The following SAMD12 variants were observed in gnomAD, a reference collection of about 807,000 sequenced individuals.
SAMD12 encodes sterile alpha motif domain-containing protein 12.
In SAMD12, 9 loss-of-function variants were observed where a neutral mutation model predicts 15.0. That is an observed-to-expected ratio of 0.60 (90% CI 0.36 to 1.05). The LOEUF is 1.05. Among genes scored for constraint, SAMD12 ranks in the 50% least tolerant of loss-of-function variants. The pLI, the probability that SAMD12 is intolerant of heterozygous loss-of-function variation, is 0.01. For synonymous variants in SAMD12, 86 were observed against 90.1 expected, an observed-to-expected ratio of 0.96 and a Z score of 0.25; for missense variants, 230 against 234.2, an observed-to-expected ratio of 0.98 and a Z score of 0.12.
intron 4 of SAMD12, among the ~76,000 whole-genome samples, chr8:118,299,198 C>G (rs1255043587): frequency 6.6e-6 from 1 of 152,152 alleles, no homozygotes; most frequent in East Asian, 1.9e-4. Flanking sequence ...CTAGAGGGAA[C>G]TGATATATAA....
intron 4 of SAMD12, among the ~76,000 whole-genome samples, chr8:118,321,294 TG>T (rs1563761696): frequency 0.048 from 4,972 of 102,802 alleles, 366 homozygotes; most frequent in African/African-American, 0.22. Context: ...GTTTTTTTTT[TG>T]TTTTTTTTTT....
chr8:118,280,639 C>T (rs116852152), intron 4 of SAMD12, among the ~76,000 whole-genome samples: 1 of 152,264 alleles, frequency 6.6e-6, no homozygotes, highest in Non-Finnish European at 1.5e-5. Flanking sequence ...AAGCAAGCTC[C>T]AGGCAGCAGC....
chr8:118,321,144 A>AATATATATATATATATATATATATAT (rs4053452), intron 4 of SAMD12, among the ~76,000 whole-genome samples: 8 of 94,500 alleles, frequency 8.5e-5, no homozygotes, highest in Non-Finnish European at 1.2e-4. Context: ...ATAGATAATA[A>AATATATATATATATATATATATATAT]ATATATATAT....
Position 118,566,658 on chromosome 8 carries a change from T to C in SAMD12, c.192+14057A>G, listed in dbSNP as rs186365608. Among the ~76,000 whole-genome samples, 561 of 152,244 alleles carry C rather than the reference T, an allele frequency of 3.7e-3. 5 individuals are homozygous for C. The highest frequency in any genetic ancestry group is 0.012 in the African/African-American group (490 of 41,554). ...CACAGGTCATAAACGAAACTGCCCA[T>C]AGAAGCTTAGAAAGAAACATGAGTG... On this transcript the variant is annotated intron_variant, in intron 2 of 3. Coordinates refer to ENST00000314727, the MANE Select transcript of SAMD12 (RefSeq NM_207506.3).
intron 3 of SAMD12, among the ~76,000 whole-genome samples, chr8:118,402,826 T>C (rs1322088671): frequency 6.6e-6 from 1 of 152,218 alleles, no homozygotes. Context: ...TTCTACTATA[T>C]GACCTCTGAT....
chr8:118,192,299 ATTTGG>A (rs1819427794), exon 5 of SAMD12: 3 of 152,198 alleles, frequency 2.0e-5, no homozygotes, highest in Non-Finnish European at 2.9e-5. Flanking sequence ...GGACTTCTAC[ATTTGG>A]TAGATGTGTC....
intron 3 of SAMD12, among the ~76,000 whole-genome samples, chr8:118,433,803 A>G (rs1000571878): frequency 2.0e-5 from 3 of 152,234 alleles, no homozygotes; most frequent in African/African-American, 7.2e-5. Context: ...CACAATATCC[A>G]GAGCAGAAGT....
intron 1 of SAMD12, among the ~76,000 whole-genome samples, chr8:118,594,587 T>C (rs756875189): frequency 9.9e-5 from 15 of 151,748 alleles, no homozygotes; most frequent in Non-Finnish European, 1.8e-4. Context: ...AATAAGAGGC[T>C]GCAAAATTGA....
At chr8:118,232,736 G>T (rs1289279665) in intron 4 of SAMD12, among the ~76,000 whole-genome samples, 1 of 152,106 alleles carries the variant, frequency 6.6e-6, no homozygotes, top group African/African-American at 2.4e-5. Flanking sequence ...AGAGAAAGGG[G>T]AGGAAGGTTG....
Position 118,369,901 on chromosome 8 carries a change from G to A in SAMD12, c.433+9659C>T, listed in dbSNP as rs191120948. On this transcript the variant is annotated intron_variant, in intron 4 of 4. Transcript: ENST00000409003. ...CAAAAATGTCAAAAGCAGTTGCAGCGAAAGTAAAAACTGACAAATGGGATC... is the reference window on the plus strand; with the variant it reads ...CAAAAATGTCAAAAGCAGTTGCAGCAAAAGTAAAAACTGACAAATGGGATC... Among the ~76,000 whole-genome samples, 488 of 152,096 alleles carry A rather than the reference G, an allele frequency of 3.2e-3. 5 individuals carry two copies. The highest frequency in any genetic ancestry group is 0.011 in the South Asian group (55 of 4,814).
intron 3 of SAMD12, among the ~76,000 whole-genome samples, chr8:118,396,503 T>C (rs1820577175): frequency 6.6e-6 from 1 of 152,220 alleles, no homozygotes; most frequent in Non-Finnish European, 1.5e-5. Context: ...TTTATCTCAG[T>C]AACTGCAGCA....
At chr8:118,200,283 T>C (rs1188259470) in intron 4 of SAMD12, among the ~76,000 whole-genome samples, 1 of 151,550 alleles carries the variant, frequency 6.6e-6, no homozygotes, top group Non-Finnish European at 1.5e-5. Context: ...TCTAGTGACA[T>C]ACAGGAGTGA....
chr8:118,478,852 G>T (rs899138442), intron 2 of SAMD12, among the ~76,000 whole-genome samples: 2 of 152,212 alleles, frequency 1.3e-5, no homozygotes, highest in African/African-American at 2.4e-5. Flanking sequence ...TTAGAGAAGA[G>T]CTGACACTCC....
chr8:118,338,148 A>G (rs1371441797), intron 4 of SAMD12, among the ~76,000 whole-genome samples: 1 of 152,232 alleles, frequency 6.6e-6, no homozygotes, highest in Non-Finnish European at 1.5e-5. Context: ...CAGATCACAC[A>G]GAAAACACTC....
At chr8:118,160,373 T>G in the SAMD12 span, among the ~76,000 whole-genome samples, 4 of 152,198 alleles carry the variant, frequency 2.6e-5, no homozygotes, top group Non-Finnish European at 5.9e-5. Flanking sequence ...GGAAATACAA[T>G]GGACCTATAT....
At chr8:118,550,196 T>G (rs191233971) in intron 2 of SAMD12, among the ~76,000 whole-genome samples, 3 of 151,976 alleles carry the variant, frequency 2.0e-5, no homozygotes, top group African/African-American at 7.3e-5. Flanking sequence ...AGATACTCCT[T>G]GAGAAGAGCA....
chr8:118,489,408 A>T (rs1824376488), intron 2 of SAMD12, among the ~76,000 whole-genome samples: 1 of 152,122 alleles, frequency 6.6e-6, no homozygotes. Flanking sequence ...ATTTTTGCCT[A>T]ATCTGAGGTC....
Position 118,276,134 on chromosome 8 carries a change from C to T in SAMD12, c.434-78402G>A, listed in dbSNP as rs149395894. Among the ~76,000 whole-genome samples the T allele has an allele frequency of 6.5e-3, 986 of 152,274 alleles. 12 individuals carry two copies. The highest frequency in any genetic ancestry group is 0.023 in the African/African-American group (936 of 41,544). On this transcript the variant is annotated intron_variant, in intron 4 of 4. Coordinates refer to the SAMD12 transcript ENST00000409003. ...CCCCCTCAGAGAAATAACTACACTC[C>T]AGTTGTTGGAATAGTGTTCCATATA...
At chr8:118,420,778 G>T (rs1317835181) in intron 3 of SAMD12, among the ~76,000 whole-genome samples, 1 of 152,096 alleles carries the variant, frequency 6.6e-6, no homozygotes, top group African/African-American at 2.4e-5. Context: ...TTTTAGAAAA[G>T]AATTCTAAAT....
Sources: allele counts gnomAD v4.1 joint callset (sites outside exome capture counted in the v4.1 genomes callset), GRCh38; gene constraint gnomAD v4.1.1; transcripts MANE v1.5; gene names NCBI Gene and HGNC (gene_info 2026-07-23, HGNC 2026-07-21).